ALDH8A1: variants seen among roughly 807,000 people sequenced by gnomAD.
ALDH8A1 encodes aldehyde dehydrogenase 8 family member A1, also known as 2-aminomuconic semialdehyde dehydrogenase.
In ALDH8A1, 39 loss-of-function variants were observed where a neutral mutation model predicts 43.3. The ratio of observed to expected loss-of-function variants is 0.90; its 90% confidence interval spans 0.70 to 1.18. The LOEUF is 1.18. Among genes scored for constraint, ALDH8A1 ranks in the 50% most tolerant of loss-of-function variants. The pLI is 0.00. For missense variants in ALDH8A1, 605 were observed against 622.6 expected (o/e 0.97, Z 0.30); for synonymous variants, 233 against 243.5 (o/e 0.96, Z 0.40).
chr6:134,935,798 C>CT (rs1773727440), intron 4 of ALDH8A1, among the ~76,000 whole-genome samples: 1 of 152,202 alleles, frequency 6.6e-6, no homozygotes, highest in Admixed American at 6.5e-5. Flanking sequence ...TAATTTCACA[C>CT]TGATGATCCA....
chr6:134,930,683 T>C (rs1041699776), intron 5 of ALDH8A1, among the ~76,000 whole-genome samples: 2 of 152,216 alleles, frequency 1.3e-5, no homozygotes, highest in East Asian at 3.8e-4. Flanking sequence ...AAACACTTGA[T>C]AGTTTCATTT....
At chr6:134,930,777 T>A (rs1776972223) in intron 5 of ALDH8A1, among the ~76,000 whole-genome samples, 1 of 152,198 alleles carries the variant, frequency 6.6e-6, no homozygotes. Flanking sequence ...GCTCTGTGCC[T>A]AGAAAGCGTA....
chr6:134,944,249 A>G, intron 1 of ALDH8A1: 1 of 292,108 alleles, frequency 3.4e-6, no homozygotes, highest in South Asian at 5.2e-5. Flanking sequence ...TGTATTTTTT[A>G]GTAGAAAGGG....
chr6:134,949,099 T>G (rs1774001200), intron 1 of ALDH8A1, among the ~76,000 whole-genome samples: 1 of 152,208 alleles, frequency 6.6e-6, no homozygotes. Flanking sequence ...ATATATATTT[T>G]TATAGGAAGA....
At chr6:134,925,630 C>A (rs1006464804) in intron 6 of ALDH8A1, among the ~76,000 whole-genome samples, 7 of 152,124 alleles carry the variant, frequency 4.6e-5, no homozygotes, top group African/African-American at 1.4e-4. Flanking sequence ...CAGGAGCTTT[C>A]TAGAGTCTAA....
chr6:134,941,383 T>TTTTG (rs1171139244), intron 3 of ALDH8A1: 1 of 151,452 alleles, frequency 6.6e-6, no homozygotes, highest in Non-Finnish European at 1.5e-5. Flanking sequence ...GGTTTTTTTG[T>TTTTG]TTTGTTTTGT....
rs946139840 is a variant in ALDH8A1, at chr6:134,944,161, G to A, written c.139-195C>T. ...TGGCTCACTGCAACCTCTGCCTCCG[G>A]GGTTCAAGTGATTCTCCCACCTCAG... On this transcript the variant is annotated intron_variant, in intron 1 of 6. Coordinates refer to ENST00000265605, the MANE Select transcript of ALDH8A1 (RefSeq NM_022568.4). 25 of 593,782 alleles carry A rather than the reference G, an allele frequency of 4.2e-5. No individual in the cohort carries two copies. The Admixed American group carries it at 6.8e-4, about 16-fold the overall frequency. The allele number at this position is 593,782 out of a possible 1,614,324, so 36.8% of individuals were successfully genotyped here.
intron 4 of ALDH8A1, among the ~76,000 whole-genome samples, chr6:134,938,638 A>ATTT (rs967894437): frequency 4.6e-5 from 7 of 151,042 alleles, no homozygotes; most frequent in Non-Finnish European, 8.8e-5. Flanking sequence ...TATTATTATT[A>ATTT]TTATTTTATT....
In ALDH8A1 at chr6:134,949,566, C is replaced by A. The variant is rs973873934; in HGVS notation, c.138+350G>T. 4.0e-5 allele frequency among the ~76,000 whole-genome samples: 6 copies of A among 151,694 alleles called. No homozygotes were observed. In the East Asian group the frequency reaches 9.6e-4, roughly 24 times the overall value. ...CCATGGATATAGTGGTAAATTTAAG[C>A]AGTGCGTGGTGGAGAAAAGGGAATA... On this transcript the variant is annotated intron_variant, in intron 1 of 6. Coordinates refer to ENST00000265605, the MANE Select transcript of ALDH8A1 (RefSeq NM_022568.4).
chr6:134,928,984 C>T, intron 6 of ALDH8A1, 70 bp downstream of exon 6: 1 of 1,522,514 alleles, frequency 6.6e-7, no homozygotes, highest in Non-Finnish European at 8.9e-7. Context: ...TCTGATTGTG[C>T]TATGCCTGTA....
chr6:134,918,741 C>G lies in ALDH8A1; in HGVS notation c.1138G>C (p.Asp380His). The part of the protein sequence containing the change: ...GYFMLPTVIT[D>H]IKDESCCMTE... ...ATGCAGCAGGATTCATCCTTAATGT[C>G]TGTTATCACCGTGGGAAGCATAAAG... The change falls in exon 7 of 7, where the codon GAC becomes CAC. Residue 380 changes from aspartate (D) to histidine (H), a missense_variant. Transcript: ENST00000265605. The G allele has an allele frequency of 1.9e-6, 3 of 1,614,202 alleles. No homozygotes were observed. Among genetic ancestry groups the G allele is most frequent in the Non-Finnish European group, 1.7e-6 (2 of 1,180,034 alleles).
intron 6 of ALDH8A1, among the ~76,000 whole-genome samples, chr6:134,921,353 A>G (rs1424421575): frequency 1.3e-5 from 2 of 152,202 alleles, no homozygotes; most frequent in Non-Finnish European, 2.9e-5. Flanking sequence ...ATCTTTGGGT[A>G]GGCAGCTACA....
At position 134,918,192 on chromosome 6, in the gene ALDH8A1, T is replaced by C. The variant is rs1392162339; in HGVS notation, c.*223A>G. 3 of 543,852 alleles carry C rather than the reference T, an allele frequency of 5.5e-6. No individual in the cohort carries two copies. The highest frequency in any genetic ancestry group is 9.7e-6 in the Non-Finnish European group (3 of 309,518). 33.7% of individuals were successfully genotyped at this position (543,852 alleles called of 1,614,324 possible). A position where few individuals can be genotyped will look rare whatever the true frequency, so the allele number is the denominator to read the frequency against. On this transcript the variant is annotated 3_prime_UTR_variant, in exon 7 of 7. Transcript: ENST00000265605. The stretch of plus-strand genomic sequence containing the variant: ...GGAGCCTGACAACTGGCATCATTGT[T>C]CTATCTTCCTACTTATAAGTCTTTT...
At chr6:134,929,909 G>A (rs541311297) in intron 5 of ALDH8A1, among the ~76,000 whole-genome samples, 19 of 152,302 alleles carry the variant, frequency 1.2e-4, no homozygotes, top group African/African-American at 4.6e-4. Flanking sequence ...AGGATGGAAG[G>A]AAACAAGTGT....
chr6:134,924,138 C>A (rs184289279), intron 6 of ALDH8A1, among the ~76,000 whole-genome samples: 171 of 152,260 alleles, frequency 1.1e-3, no homozygotes, highest in African/African-American at 3.8e-3. Context: ...GGGAGCTGGG[C>A]TGAGGCAGAA....
intron 1 of ALDH8A1, among the ~76,000 whole-genome samples, chr6:134,949,568 G>A (rs1255299026): frequency 6.6e-6 from 1 of 151,962 alleles, no homozygotes; most frequent in African/African-American, 2.4e-5. Context: ...AATTTAAGCA[G>A]TGCGTGGTGG....
chr6:134,949,739 T>A (rs1489936006), intron 1 of ALDH8A1, among the ~76,000 whole-genome samples, 177 bp downstream of exon 1: 1 of 152,186 alleles, frequency 6.6e-6, no homozygotes, highest in Non-Finnish European at 1.5e-5. Flanking sequence ...AAGAGATTTG[T>A]TCTAGGTATC....
At chr6:134,943,778 A>G (rs764623644) in intron 2 of ALDH8A1, 41 bp downstream of exon 2, 2 of 1,603,514 alleles carry the variant, frequency 1.2e-6, no homozygotes, top group Non-Finnish European at 1.7e-6. Context: ...ATAATCAGAG[A>G]TGCCCTGAGT....
At chr6:134,920,201 A>G (rs776746376) in intron 6 of ALDH8A1, among the ~76,000 whole-genome samples, 18 of 152,226 alleles carry the variant, frequency 1.2e-4, no homozygotes, top group Non-Finnish European at 2.1e-4. Context: ...CACCCAGCTC[A>G]AGACTTTTTT....
Sources: allele counts gnomAD v4.1 joint callset (sites outside exome capture counted in the v4.1 genomes callset), GRCh38; gene constraint gnomAD v4.1.1; transcripts MANE v1.5; gene names NCBI Gene and HGNC (gene_info 2026-07-23, HGNC 2026-07-21).